Variants in TBCK observed in about 807,000 individuals in gnomAD.
The protein encoded by TBCK is TBC1 domain containing kinase.
A neutral mutation model predicts 113.4 loss-of-function variants in TBCK; 99 were observed. The observed-to-expected ratio is 0.87, with a 90% CI of 0.74 to 1.03. The LOEUF (loss-of-function observed/expected upper bound fraction) is 1.03. Ranked by LOEUF, TBCK falls within the 50% of genes least tolerant of loss-of-function variation. The probability of loss-of-function intolerance (pLI) is 0.00; values close to 1 mark genes in which losing one functional copy is unlikely to be tolerated. For missense variants in TBCK, 1,045 were observed against 1,061.3 expected, an observed-to-expected ratio of 0.98 and a Z score of 0.21; for synonymous variants, 369 against 370.8, an observed-to-expected ratio of 1.00 and a Z score of 0.05.
Position 106,308,981 on chromosome 4 carries a change from T to C in TBCK, c.-21A>G, listed in dbSNP as rs532548686. 1 of 1,596,228 alleles carries C rather than the reference T, an allele frequency of 6.3e-7. No homozygotes were observed. The highest frequency in any genetic ancestry group is 8.5e-7 in the Non-Finnish European group (1 of 1,171,566). ...AACATTTTTGGAGTCCTAGGTCTTCTAAGATAATCTGGAAAAGGAGAGAAT... is the reference window on the plus strand; with the variant it reads ...AACATTTTTGGAGTCCTAGGTCTTCCAAGATAATCTGGAAAAGGAGAGAAT... On this transcript the variant is annotated 5_prime_UTR_variant, in exon 2 of 26. Transcript: ENST00000394708.
chr4:106,274,275 C>T (rs2125757011), intron 3 of TBCK, among the ~76,000 whole-genome samples: 1 of 152,288 alleles, frequency 6.6e-6, no homozygotes, highest in Non-Finnish European at 1.5e-5. Flanking sequence ...GTAGGGCTAT[C>T]TTTGGAAATG....
intron 7 of TBCK, 59 bp downstream of exon 7, chr4:106,250,359 T>A: frequency 8.7e-7 from 1 of 1,143,394 alleles, no homozygotes; most frequent in Non-Finnish European, 1.3e-6. Flanking sequence ...TCAATGTGCA[T>A]GATTACTAAT....
chr4:106,161,327 C>T (rs1279062618), intron 23 of TBCK, among the ~76,000 whole-genome samples: 1 of 152,008 alleles, frequency 6.6e-6, no homozygotes, highest in African/African-American at 2.4e-5. Flanking sequence ...ATTAGAGCAA[C>T]CAGTATTAGA....
intron 24 of TBCK, among the ~76,000 whole-genome samples, chr4:106,096,260 T>G (rs987752685): frequency 3.9e-5 from 6 of 152,174 alleles, no homozygotes; most frequent in Admixed American, 6.5e-5. Context: ...GAGTAATGAC[T>G]TTTCTCTCAG....
At chr4:106,207,190 G>A (rs549929979) in intron 20 of TBCK, among the ~76,000 whole-genome samples, 3 of 152,248 alleles carry the variant, frequency 2.0e-5, no homozygotes, top group African/African-American at 7.2e-5. Flanking sequence ...ACCATGAAAT[G>A]TATAATCTAG....
At chr4:106,290,467 C>T (rs529904611) in intron 3 of TBCK, among the ~76,000 whole-genome samples, 1 of 152,316 alleles carries the variant, frequency 6.6e-6, no homozygotes, top group Non-Finnish European at 1.5e-5. Flanking sequence ...TGAGCCACCA[C>T]ACCCGGCCGG....
chr4:106,112,442 G>A (rs1418797606), intron 24 of TBCK, among the ~76,000 whole-genome samples: 1 of 152,112 alleles, frequency 6.6e-6, no homozygotes, highest in African/African-American at 2.4e-5. Flanking sequence ...GATGGCTCTG[G>A]TAAACATGGA....
rs79412473 is a variant in TBCK, at chr4:106,247,215, T to C, written c.855A>G (p.Lys285=). The change falls in exon 10 of 26, where the codon AAA becomes AAG. Residue 285 remains lysine, a synonymous_variant. Coordinates refer to ENST00000394708, the MANE Select transcript of TBCK (RefSeq NM_001163435.3). ...GAGAAGATGAAAACAGACTGGCAGG[T>C]TTGGTAAAGGGGGTATATAAAGGTG... ...EVSPLYTPFT[K]PASLFSSSLR... 8 of 1,591,018 alleles carry C rather than the reference T, an allele frequency of 5.0e-6. No homozygotes were observed. The South Asian group carries it at 8.0e-5, about 16-fold the overall frequency.
chr4:106,176,768 T>C (rs562838711), intron 22 of TBCK, among the ~76,000 whole-genome samples: 120 of 152,088 alleles, frequency 7.9e-4, no homozygotes, highest in Non-Finnish European at 1.3e-3. Context: ...CTGTTTTTCA[T>C]AGTAGCTATA....
rs775272781 is a variant in TBCK, at chr4:106,247,241, A to G, written c.829T>C (p.Ser277Pro). 1 of 1,612,822 alleles carries G rather than the reference A, an allele frequency of 6.2e-7. No homozygotes were observed. Among genetic ancestry groups the G allele is most frequent in the Non-Finnish European group, 8.5e-7 (1 of 1,179,066 alleles). ...LMKDKVFSEV[S>P]PLYTPFTKPA... ...TTGGTAAAGGGGGTATATAAAGGTG[A>G]TACCTCACTGAATACTTTGTCCTTC... The change falls in exon 10 of 26, where the codon TCA becomes CCA. Residue 277 changes from serine to proline, a missense_variant. Transcript: ENST00000394708.
chr4:106,204,693 A>G (rs1019770581), intron 20 of TBCK, among the ~76,000 whole-genome samples: 2 of 150,428 alleles, frequency 1.3e-5, no homozygotes, highest in African/African-American at 4.9e-5. Flanking sequence ...GTGAGCTAAT[A>G]TTGATGGTTT....
intron 2 of TBCK, among the ~76,000 whole-genome samples, chr4:106,299,560 A>C (rs1766699042): frequency 6.6e-6 from 1 of 152,212 alleles, no homozygotes; most frequent in African/African-American, 2.4e-5. Flanking sequence ...CATAGTTTTA[A>C]TACTGCTGAG....
rs769988001 is a variant in TBCK, at chr4:106,244,582, T to A, written c.1070+44A>T. The A allele has an allele frequency of 4.9e-6, 7 of 1,425,038 alleles. No homozygotes were observed. The East Asian group carries it at 1.7e-4, about 36-fold the overall frequency. The allele number at this position is 1,425,038 out of a possible 1,614,324, so 88.3% of individuals were successfully genotyped here. A position where few individuals can be genotyped will look rare whatever the true frequency, so the allele number is the denominator to read the frequency against. On this transcript the variant is annotated intron_variant, in intron 11 of 25. Transcript: ENST00000394708. The stretch of plus-strand genomic sequence containing the variant: ...TATTATTACCATAGAATTATTACCA[T>A]GTATTTATTTATTTAAATTCCCAAG...
intron 3 of TBCK, among the ~76,000 whole-genome samples, chr4:106,283,097 T>G (rs141386963): frequency 3.1e-4 from 47 of 152,182 alleles, no homozygotes; most frequent in Middle Eastern, 3.4e-3. Flanking sequence ...TCACCAAAAT[T>G]CATTTGTTTG....
intron 23 of TBCK, among the ~76,000 whole-genome samples, chr4:106,134,762 C>T (rs1032126194): frequency 7.2e-5 from 11 of 152,192 alleles, no homozygotes; most frequent in Non-Finnish European, 1.6e-4. Context: ...ATGTCTACTT[C>T]AGCAGAAGAC....
At chr4:106,083,564 C>G (rs1289708454) in intron 25 of TBCK, among the ~76,000 whole-genome samples, 2 of 152,174 alleles carry the variant, frequency 1.3e-5, no homozygotes, top group Non-Finnish European at 2.9e-5. Flanking sequence ...CCCAGTGAAA[C>G]ACACCCTCTA....
At chr4:106,273,323 CAAAAT>C (rs924257166) in intron 3 of TBCK, among the ~76,000 whole-genome samples, 31 of 152,080 alleles carry the variant, frequency 2.0e-4, no homozygotes, top group African/African-American at 7.2e-4. Context: ...TTTGAAACAA[CAAAAT>C]AAAACTTTTT....
intron 23 of TBCK, among the ~76,000 whole-genome samples, chr4:106,161,084 G>A (rs1268867057): frequency 6.6e-6 from 1 of 151,952 alleles, no homozygotes; most frequent in Non-Finnish European, 1.5e-5. Context: ...CAGAGGTGCA[G>A]TTTTACAAGA....
chr4:106,306,114 G>C (rs2125885599), intron 2 of TBCK, among the ~76,000 whole-genome samples: 1 of 152,092 alleles, frequency 6.6e-6, no homozygotes, highest in South Asian at 2.1e-4. Context: ...GTCTGGATTG[G>C]GACCCTTTCC....
Sources: gnomAD v4.1 joint callset for allele counts (sites outside exome capture counted in the v4.1 genomes callset) on GRCh38, gnomAD v4.1.1 for gene constraint, MANE v1.5 for transcripts, NCBI Gene and HGNC (gene_info 2026-07-23, HGNC 2026-07-21) for gene names.